Variants in MKLN1 observed in about 807,000 individuals in gnomAD.
MKLN1 encodes the protein muskelin.
In MKLN1, 18 loss-of-function variants were observed where a neutral mutation model predicts 99.0. The ratio of observed to expected loss-of-function variants is 0.18; its 90% CI spans 0.13 to 0.27. The LOEUF is 0.27. Ranked by LOEUF, MKLN1 falls within the 10% of genes least tolerant of loss-of-function variation. MKLN1 has a pLI of 1.00. For synonymous variants in MKLN1, 288 were observed against 293.2 expected (o/e 0.98, Z 0.18); for missense variants, 621 against 875.9 (o/e 0.71, Z 3.67).
chr7:131,480,925 A>C (rs1368847958), intron 17 of MKLN1, among the ~76,000 whole-genome samples: 1 of 152,220 alleles, frequency 6.6e-6, no homozygotes, highest in Non-Finnish European at 1.5e-5. Flanking sequence ...CAGCAATTTA[A>C]ATATATCAAT....
chr7:131,216,459 T>C (rs555150834), intron 3 of MKLN1, among the ~76,000 whole-genome samples: 2 of 151,962 alleles, frequency 1.3e-5, no homozygotes, highest in East Asian at 1.9e-4. Flanking sequence ...AAGTTTATTA[T>C]ATTTGGAGAA....
chr7:131,321,988 T>C (rs1798785022), intron 3 of MKLN1, among the ~76,000 whole-genome samples: 1 of 152,218 alleles, frequency 6.6e-6, no homozygotes, highest in African/African-American at 2.4e-5. Context: ...ATGGAAGAGA[T>C]AAGGATCAAT....
rs534509445 is a variant in MKLN1 at position 131,309,075 on chromosome 7, G to A, written c.-178-66349G>A. On this transcript the variant is annotated intron_variant, in intron 3 of 7. Coordinates refer to the MKLN1 transcript ENST00000416992. ...TAAGGTTCAATATGTCTCAATCTTC[G>A]AATTGCAAGGGAACTAGACAGATTA... Among the ~76,000 whole-genome samples the A allele has an allele frequency of 5.3e-5, 8 of 152,264 alleles. No individual in the cohort carries two copies. In the South Asian group the frequency reaches 6.2e-4, roughly 12 times the overall value.
intron 9 of MKLN1, among the ~76,000 whole-genome samples, chr7:131,433,421 G>A (rs527868830): frequency 3.9e-5 from 6 of 152,206 alleles, no homozygotes; most frequent in Admixed American, 1.3e-4. Flanking sequence ...CACCAGATTT[G>A]TCTAATTTAT....
chr7:131,435,682 A>G (rs530099839), intron 9 of MKLN1, among the ~76,000 whole-genome samples: 3 of 152,088 alleles, frequency 2.0e-5, no homozygotes, highest in Admixed American at 1.3e-4. Flanking sequence ...GATTTTACCT[A>G]TGTTTTTGAT....
intron 2 of MKLN1, among the ~76,000 whole-genome samples, chr7:131,162,986 C>T (rs1379672466): frequency 6.6e-6 from 1 of 152,190 alleles, no homozygotes; most frequent in Non-Finnish European, 1.5e-5. Context: ...CTAGACAAGT[C>T]CTCACAGTTA....
intron 3 of MKLN1, among the ~76,000 whole-genome samples, chr7:131,307,172 A>G (rs1798480089): frequency 6.6e-6 from 1 of 152,086 alleles, no homozygotes; most frequent in African/African-American, 2.4e-5. Context: ...TCTATGTGGT[A>G]TTGGGCCTGT....
chr7:131,372,399 C>A (rs573947346), intron 1 of MKLN1, among the ~76,000 whole-genome samples: 68 of 151,928 alleles, frequency 4.5e-4, no homozygotes, highest in Non-Finnish European at 8.8e-4. Context: ...CACAAAAAAG[C>A]ACAAAGAAAA....
intron 3 of MKLN1, among the ~76,000 whole-genome samples, chr7:131,235,297 G>A (rs7458564): frequency 2.0e-5 from 3 of 147,746 alleles, no homozygotes; most frequent in Non-Finnish European, 3.0e-5. Flanking sequence ...CACACACACT[G>A]TGTGTGTGTG....
intron 3 of MKLN1, among the ~76,000 whole-genome samples, chr7:131,261,795 A>G (rs1287971410): frequency 6.6e-6 from 1 of 152,260 alleles, no homozygotes; most frequent in Non-Finnish European, 1.5e-5. Context: ...GTACATCTAC[A>G]CTATGGAATA....
At chr7:131,265,203 C>T (rs938087935) in intron 3 of MKLN1, among the ~76,000 whole-genome samples, 2 of 152,020 alleles carry the variant, frequency 1.3e-5, no homozygotes, top group Admixed American at 6.6e-5. Flanking sequence ...GTACCTTTGA[C>T]GAAATAATGC....
At chr7:131,140,362 A>G (rs1418837873) in intron 1 of MKLN1, among the ~76,000 whole-genome samples, 1 of 151,242 alleles carries the variant, frequency 6.6e-6, no homozygotes, top group Non-Finnish European at 1.5e-5. Flanking sequence ...TATAGCTTGG[A>G]TATTTGTGTC....
chr7:131,372,913 A>G (rs1479322256), intron 1 of MKLN1, among the ~76,000 whole-genome samples: 1 of 150,524 alleles, frequency 6.6e-6, no homozygotes, highest in Non-Finnish European at 1.5e-5. Context: ...TCCCTTCCCT[A>G]CCTTCTTTCT....
At chr7:131,317,664 T>C (rs1262173919) in intron 3 of MKLN1, among the ~76,000 whole-genome samples, 2 of 150,876 alleles carry the variant, frequency 1.3e-5, no homozygotes, top group Admixed American at 6.6e-5. Flanking sequence ...GACTGGCAAA[T>C]TGGATAGAGT....
chr7:131,244,918 C>T (rs1057008576), intron 3 of MKLN1, among the ~76,000 whole-genome samples: 4 of 152,188 alleles, frequency 2.6e-5, no homozygotes, highest in Admixed American at 6.5e-5. Context: ...CACCCCTACA[C>T]GGCGGCACCC....
intron 2 of MKLN1, among the ~76,000 whole-genome samples, chr7:131,381,444 C>T (rs1793843351): frequency 6.6e-6 from 1 of 152,180 alleles, no homozygotes; most frequent in East Asian, 1.9e-4. Flanking sequence ...CCAGAATTAA[C>T]AGCAATGTTT....
At chr7:131,148,952 G>T (rs1255000744) in intron 2 of MKLN1, among the ~76,000 whole-genome samples, 1 of 152,100 alleles carries the variant, frequency 6.6e-6, no homozygotes, top group African/African-American at 2.4e-5. Context: ...CTATATGATC[G>T]AAGATATTGT....
chr7:131,381,280 G>A (rs1316072480), intron 2 of MKLN1, among the ~76,000 whole-genome samples: 1 of 152,130 alleles, frequency 6.6e-6, no homozygotes, highest in Admixed American at 6.5e-5. Context: ...ACCCTAGAGA[G>A]TTTTCACCAG....
At chr7:131,138,051 GA>G (rs1795677659) in intron 1 of MKLN1, among the ~76,000 whole-genome samples, 1 of 151,172 alleles carries the variant, frequency 6.6e-6, no homozygotes, top group East Asian at 1.9e-4. Context: ...TCAATCTCAT[GA>G]GTAGCTGGGA....
Sources: allele counts gnomAD v4.1 joint callset (sites outside exome capture counted in the v4.1 genomes callset), GRCh38; gene constraint gnomAD v4.1.1; transcripts MANE v1.5; gene names NCBI Gene and HGNC (gene_info 2026-07-23, HGNC 2026-07-21).